Variants in LINGO1 observed in about 807,000 individuals in gnomAD.
LINGO1 encodes the protein leucine-rich repeat and immunoglobulin-like domain-containing nogo receptor-interacting protein 1.
LINGO1 carries 11 observed loss-of-function variants against 37.3 expected under a neutral mutation model. The ratio of observed to expected loss-of-function variants is 0.29; its 90% CI spans 0.19 to 0.49. LINGO1 has a LOEUF of 0.49. Ranked by LOEUF, LINGO1 falls within the 20% of genes least tolerant of loss-of-function variation. The pLI is 0.99. For missense variants in LINGO1, 585 were observed against 878.2 expected (o/e 0.67, Z 4.22); for synonymous variants, 387 against 403.0 (o/e 0.96, Z 0.48).
chr15:77,619,659 C>T (rs922636890), intron 1 of LINGO1, among the ~76,000 whole-genome samples: 5 of 151,508 alleles, frequency 3.3e-5, no homozygotes, highest in Non-Finnish European at 5.9e-5. Context: ...TGCATTCCAG[C>T]CTGGGCAACA....
At chr15:77,653,973 G>A (rs1596054407) in intron 3 of LINGO1, among the ~76,000 whole-genome samples, 1 of 152,192 alleles carries the variant, frequency 6.6e-6, no homozygotes, top group East Asian at 1.9e-4. Flanking sequence ...TTCCTCTTAG[G>A]CACTTGGTGT....
At chr15:77,709,892 A>T (rs1371724682) in intron 2 of LINGO1, among the ~76,000 whole-genome samples, 1 of 152,234 alleles carries the variant, frequency 6.6e-6, no homozygotes, top group Non-Finnish European at 1.5e-5. Flanking sequence ...GAGTCCGTGC[A>T]TATCAGACCA....
At chr15:77,788,440 A>G (rs2076792686), upstream of LINGO1, 1 of 152,180 alleles carries the variant, frequency 6.6e-6, no homozygotes, top group Admixed American at 6.5e-5. Context: ...CCTTAGGGAA[A>G]TTGTCTAAAT....
chr15:77,680,889 T>C (rs1403896248), intron 2 of LINGO1, among the ~76,000 whole-genome samples: 1 of 152,174 alleles, frequency 6.6e-6, no homozygotes. Context: ...TTGGCAATTA[T>C]CACCTGAAAT....
At chr15:77,820,068 C>T (rs1264112050) in intron 1 of LINGO1, 1 of 151,888 alleles carries the variant, frequency 6.6e-6, no homozygotes, top group Non-Finnish European at 1.5e-5. Flanking sequence ...GCCCGCCGCT[C>T]GCGGGGCCCA....
At chr15:77,708,118 T>C (rs1415531371) in intron 2 of LINGO1, among the ~76,000 whole-genome samples, 1 of 152,158 alleles carries the variant, frequency 6.6e-6, no homozygotes, top group Non-Finnish European at 1.5e-5. Context: ...TTTCCTATAA[T>C]GAGGTGAATG....
chr15:77,705,350 G>A lies in LINGO1; in HGVS notation c.-194-14449C>T, dbSNP rs894494252. Among the ~76,000 whole-genome samples the A allele has an allele frequency of 2.1e-4, 32 of 152,254 alleles. 1 individual carries two copies. Among genetic ancestry groups the A allele is most frequent in the South Asian group, 8.3e-4 (4 of 4,824 alleles). On this transcript the variant is annotated intron_variant, in intron 2 of 3. Coordinates refer to the LINGO1 transcript ENST00000561686. ...AGGAAGGTGGGATTCCTGGAATGCC[G>A]GAAGGAAAGGGTGCTATGCCTCACT...
chr15:77,810,783 C>A (rs1432430554), intron 1 of LINGO1, among the ~76,000 whole-genome samples: 3 of 152,202 alleles, frequency 2.0e-5, no homozygotes, highest in South Asian at 2.1e-4. Flanking sequence ...GGAGGAATCA[C>A]CCTAACCCCA....
At position 77,653,952 on chromosome 15, in the gene LINGO1, T is replaced by C. The variant is rs185181016; in HGVS notation, c.-13+23137A>G. 2.3e-3 allele frequency among the ~76,000 whole-genome samples: 356 copies of C among 152,362 alleles called. 2 individuals are homozygous for C. The highest frequency in any genetic ancestry group is 8.1e-3 in the African/African-American group (337 of 41,582). ...AGTCATTAAGGAATGTTAACTAATATACCAATTTTCTTCCTCTTAGGCACT... is the reference window on the plus strand; with the variant it reads ...AGTCATTAAGGAATGTTAACTAATACACCAATTTTCTTCCTCTTAGGCACT... On this transcript the variant is annotated intron_variant, in intron 3 of 3. Transcript: ENST00000559893.
chr15:77,723,897 G>A (rs975467433), intron 2 of LINGO1, among the ~76,000 whole-genome samples: 3 of 152,146 alleles, frequency 2.0e-5, no homozygotes, highest in Non-Finnish European at 4.4e-5. Context: ...GGCGGGAGGC[G>A]AGAGAAAGAG....
chr15:77,693,055 T>A (rs1438823707), intron 1 of LINGO1, among the ~76,000 whole-genome samples: 2 of 152,122 alleles, frequency 1.3e-5, no homozygotes, highest in Non-Finnish European at 2.9e-5. Flanking sequence ...ATTCCCAGCT[T>A]ACACACCCAT....
chr15:77,783,319 G>A (rs772762191), intron 1 of LINGO1, among the ~76,000 whole-genome samples: 1 of 152,184 alleles, frequency 6.6e-6, no homozygotes, highest in African/African-American at 2.4e-5. Context: ...CTTCATAGGT[G>A]TTTCATCAAG....
At chr15:77,782,205 G>A (rs1596225697) in intron 1 of LINGO1, among the ~76,000 whole-genome samples, 4 of 96,412 alleles carry the variant, frequency 4.1e-5, no homozygotes, top group South Asian at 8.1e-4. Flanking sequence ...TCAAGTGTGC[G>A]CACGCGTACA....
At position 77,758,621 on chromosome 15, in the gene LINGO1, T is replaced by C. The variant is rs1181538437; in HGVS notation, c.-256-23568A>G. ...TCGTATTCTTGATGAGCACATTCTC[T>C]GGAATGAGATGCCTGGACTCAAATC... On this transcript the variant is annotated intron_variant, in intron 1 of 3. Coordinates refer to the LINGO1 transcript ENST00000561686. 2.0e-5 allele frequency among the ~76,000 whole-genome samples: 3 copies of C among 152,162 alleles called. No individual in the cohort carries two copies. The East Asian group carries it at 5.8e-4, about 29-fold the overall frequency.
intron 2 of LINGO1, among the ~76,000 whole-genome samples, chr15:77,679,052 C>A (rs533582116): frequency 1.3e-5 from 2 of 152,172 alleles, no homozygotes; most frequent in South Asian, 2.1e-4. Flanking sequence ...AGATGCGCAC[C>A]ACCACACCCA....
chr15:77,766,323 A>T (rs760648146), intron 1 of LINGO1, among the ~76,000 whole-genome samples: 1 of 149,192 alleles, frequency 6.7e-6, no homozygotes, highest in Non-Finnish European at 1.5e-5. Flanking sequence ...AAAAACACAC[A>T]AACAGAGAGA....
intron 1 of LINGO1, among the ~76,000 whole-genome samples, chr15:77,809,516 A>G (rs2141476153): frequency 6.6e-6 from 1 of 152,264 alleles, no homozygotes; most frequent in East Asian, 1.9e-4. Context: ...GCATATAGTC[A>G]CTGTGGGAAC....
intron 1 of LINGO1, among the ~76,000 whole-genome samples, chr15:77,797,892 C>T (rs921629752): frequency 3.9e-5 from 6 of 152,178 alleles, no homozygotes; most frequent in South Asian, 2.1e-4. Context: ...TTTCTAGCCG[C>T]GTGGTAGGTG....
At chr15:77,738,704 T>C (rs1329079909) in intron 1 of LINGO1, among the ~76,000 whole-genome samples, 2 of 148,850 alleles carry the variant, frequency 1.3e-5, no homozygotes, top group African/African-American at 5.0e-5. Flanking sequence ...CTCTGTACTA[T>C]GTGCAGTGCT....
Sources: allele counts gnomAD v4.1 joint callset (sites outside exome capture counted in the v4.1 genomes callset), GRCh38; gene constraint gnomAD v4.1.1; transcripts MANE v1.5; gene names NCBI Gene and HGNC (gene_info 2026-07-23, HGNC 2026-07-21).